Variants in ELL observed in about 807,000 individuals in gnomAD.
ELL encodes the protein elongation factor for RNA polymerase II, also known as RNA polymerase II elongation factor ELL.
In ELL, 18 loss-of-function variants were observed where a neutral mutation model predicts 64.0. The ratio of observed to expected loss-of-function variants is 0.28; its 90% CI spans 0.19 to 0.42. The LOEUF (loss-of-function observed/expected upper bound fraction) is 0.42. Ranked by LOEUF, ELL falls within the 10% of genes least tolerant of loss-of-function variation. ELL has a pLI of 1.00. For missense variants in ELL, 797 were observed against 870.4 expected, an observed-to-expected ratio of 0.92 and a Z score of 1.06; for synonymous variants, 399 against 376.2, an observed-to-expected ratio of 1.06 and a Z score of -0.70.
chr19:18,498,452 C>G (rs1361409778), intron 1 of ELL, among the ~76,000 whole-genome samples: 1 of 152,180 alleles, frequency 6.6e-6, no homozygotes, highest in Non-Finnish European at 1.5e-5. Context: ...CTTTCTGATG[C>G]CAGGCAGCTG....
intron 1 of ELL, among the ~76,000 whole-genome samples, chr19:18,499,166 C>G (rs867155560): frequency 5.9e-5 from 9 of 152,138 alleles, no homozygotes; most frequent in Non-Finnish European, 7.4e-5. Context: ...TTCACTCATC[C>G]CAGCAGGGAT....
chr19:18,483,335 A>G (rs578046499), intron 1 of ELL, among the ~76,000 whole-genome samples: 1 of 152,330 alleles, frequency 6.6e-6, no homozygotes, highest in South Asian at 2.1e-4. Context: ...GACACTATCC[A>G]GGTCCTTCTT....
At chr19:18,521,852 T>A in intron 1 of ELL, 69 bp downstream of exon 1, 1 of 1,512,214 alleles carries the variant, frequency 6.6e-7, no homozygotes, top group Non-Finnish European at 8.9e-7. Flanking sequence ...GACGCCTCAG[T>A]GAGGGGAGCG....
chr19:18,479,705 T>A, intron 1 of ELL, among the ~76,000 whole-genome samples: 1 of 59,292 alleles, frequency 1.7e-5, no homozygotes, highest in African/African-American at 1.6e-4. Context: ...TGAGACTCCA[T>A]CTCAAAAAAA....
intron 1 of ELL, among the ~76,000 whole-genome samples, chr19:18,499,031 C>T (rs186877813): frequency 6.6e-6 from 1 of 152,308 alleles, no homozygotes; most frequent in East Asian, 1.9e-4. Context: ...TCCTGCACGC[C>T]ACCCTAGGCC....
At position 18,450,609 on chromosome 19, in the gene ELL, G is replaced by A. The variant is rs367661601; in HGVS notation, c.1333C>T (p.Arg445Cys). ...TTGGACTTCTTCTTGGGCTTGCTGCGCGAGGGGCTGCCGTGTGGCCTGCTG... is the reference window on the plus strand; with the variant it reads ...TTGGACTTCTTCTTGGGCTTGCTGCACGAGGGGCTGCCGTGTGGCCTGCTG... ...QPSRPHGSPS[R>C]SKPKKKSKKH... The change falls in exon 8 of 12, where the codon CGC (arginine) becomes TGC (cysteine). Residue 445 changes from arginine to cysteine, a missense_variant. Physicochemically the swap from Arg to Cys is radical, Grantham distance 180. Transcript: ENST00000262809. 96 of 1,611,186 alleles carry A rather than the reference G, an allele frequency of 6.0e-5. No homozygotes were observed. Among genetic ancestry groups the A allele is most frequent in the Admixed American group, 2.3e-4 (14 of 59,674 alleles).
At chr19:18,447,723 T>C (rs1436848811) in intron 8 of ELL, among the ~76,000 whole-genome samples, 2 of 152,160 alleles carry the variant, frequency 1.3e-5, no homozygotes, top group African/African-American at 4.8e-5. Context: ...TAGACCTTCT[T>C]GCAGTGGCTT....
chr19:18,500,688 C>CG (rs201761557), intron 1 of ELL, among the ~76,000 whole-genome samples: 2,069 of 152,240 alleles, frequency 0.014, 15 homozygotes, highest in Middle Eastern at 0.02. Context: ...TGCCAGGCCC[C>CG]GGGCAGCATG....
intron 1 of ELL, among the ~76,000 whole-genome samples, chr19:18,518,504 A>G (rs865831552): frequency 5.1e-4 from 77 of 149,714 alleles, no homozygotes; most frequent in Admixed American, 1.3e-3. Context: ...AAAAAAAAAA[A>G]GGGGGCCCAG....
At chr19:18,493,094 T>C (rs962995359) in intron 1 of ELL, among the ~76,000 whole-genome samples, 1 of 152,036 alleles carries the variant, frequency 6.6e-6, no homozygotes, top group African/African-American at 2.4e-5. Flanking sequence ...GCAGGCTGCC[T>C]TCATCTTCCC....
At chr19:18,488,162 C>G (rs996202415) in intron 1 of ELL, among the ~76,000 whole-genome samples, 1 of 152,220 alleles carries the variant, frequency 6.6e-6, no homozygotes, top group Non-Finnish European at 1.5e-5. Context: ...CGCCTCTCCA[C>G]CTGGGTCTTA....
chr19:18,470,137 C>T (rs1600457550), intron 2 of ELL, among the ~76,000 whole-genome samples: 1 of 152,222 alleles, frequency 6.6e-6, no homozygotes, highest in Non-Finnish European at 1.5e-5. Context: ...GCCAACATGG[C>T]AAAACCCTGT....
intron 11 of ELL, 62 bp downstream of exon 11, chr19:18,445,162 A>T: frequency 3.1e-6 from 5 of 1,589,116 alleles, no homozygotes; most frequent in South Asian, 1.1e-5. Context: ...CCCCGGGCCC[A>T]CCCTCCTCCC....
At chr19:18,508,353 G>A (rs1975928896) in intron 1 of ELL, among the ~76,000 whole-genome samples, 1 of 152,202 alleles carries the variant, frequency 6.6e-6, no homozygotes, top group South Asian at 2.1e-4. Context: ...TACAATACAA[G>A]AGTCAGCAGC....
chr19:18,466,804 G>C (rs1974946333), intron 2 of ELL, among the ~76,000 whole-genome samples: 1 of 152,196 alleles, frequency 6.6e-6, no homozygotes, highest in Admixed American at 6.5e-5. Flanking sequence ...CCACAAGGAG[G>C]GGACAACATG....
intron 10 of ELL, chr19:18,446,003 C>G (rs973537400): frequency 2.6e-6 from 1 of 377,614 alleles, no homozygotes; most frequent in African/African-American, 2.1e-5. Context: ...GTGAGAGGAC[C>G]CCAGGCGCTC....
At chr19:18,509,125 T>C (rs1025066076) in intron 1 of ELL, among the ~76,000 whole-genome samples, 1 of 151,854 alleles carries the variant, frequency 6.6e-6, no homozygotes, top group Non-Finnish European at 1.5e-5. Flanking sequence ...GGGAATAATA[T>C]TTCAGAGTAG....
Position 18,450,774 on chromosome 19 carries a change from G to T in ELL, c.1168C>A (p.Pro390Thr), listed in dbSNP as rs1010210728. Residue 390 changes from proline (P) to threonine (T), a missense_variant, in exon 8 of 12, where the codon CCC (proline) becomes ACC (threonine). By Grantham distance (38) the Pro-to-Thr change is conservative. Transcript: ENST00000262809. The stretch of plus-strand genomic sequence containing the variant: ...GCCAGGGGGTCGTGGGCCCTCGGGG[G>T]CTCCAGCCGCGGGGGCAGGTGAGTG... ...SSTHLPPRLE[P>T]PRAHDPLADV... The T allele has an allele frequency of 6.3e-7, 1 of 1,578,742 alleles. No individual in the cohort carries two copies. Among genetic ancestry groups the T allele is most frequent in the African/African-American group, 1.3e-5 (1 of 74,498 alleles).
At chr19:18,519,895 T>A (rs1187165427) in intron 1 of ELL, among the ~76,000 whole-genome samples, 1 of 151,886 alleles carries the variant, frequency 6.6e-6, no homozygotes, top group African/African-American at 2.4e-5. Flanking sequence ...AAATCCAAGT[T>A]TGAATCACCC....
Sources: allele counts gnomAD v4.1 joint callset (sites outside exome capture counted in the v4.1 genomes callset), GRCh38; gene constraint gnomAD v4.1.1; transcripts MANE v1.5; gene names NCBI Gene and HGNC (gene_info 2026-07-23, HGNC 2026-07-21).